The following CMTM4 variants were observed in gnomAD, a reference collection of about 807,000 sequenced individuals.
CMTM4 encodes CKLF-like MARVEL transmembrane domain-containing protein 4.
Under a neutral mutation model 19.0 loss-of-function variants are expected in CMTM4, and 8 were observed. The ratio of observed to expected loss-of-function variants is 0.42; its 90% CI spans 0.25 to 0.76. The LOEUF is 0.76. Ranked by LOEUF, CMTM4 falls within the 30% of genes least tolerant of loss-of-function variation. The pLI, the probability that CMTM4 is intolerant of heterozygous loss-of-function variation, is 0.27. For missense variants in CMTM4, 228 were observed against 290.2 expected (o/e 0.79, Z 1.56); for synonymous variants, 106 against 121.1 (o/e 0.88, Z 0.82).
chr16:66,650,771 T>C (rs1158568727), intron 1 of CMTM4, among the ~76,000 whole-genome samples: 2 of 152,220 alleles, frequency 1.3e-5, no homozygotes, highest in Non-Finnish European at 2.9e-5. Context: ...ACAAAAGGCA[T>C]GTGCTGGTCA....
chr16:66,603,017 GAA>G, the CMTM4 span, among the ~76,000 whole-genome samples: 21 of 152,190 alleles, frequency 1.4e-4, no homozygotes, highest in East Asian at 3.1e-3. Context: ...AACATCAAGA[GAA>G]AAAGAGATAG....
intron 1 of CMTM4, among the ~76,000 whole-genome samples, chr16:66,680,241 G>A (rs1476225743): frequency 4.0e-4 from 61 of 152,274 alleles, no homozygotes; most frequent in Non-Finnish European, 2.9e-5. Context: ...CACTTTGGGA[G>A]GCCAAGGCGT....
Position 66,617,367 on chromosome 16 carries a change from GA to G in CMTM4, c.*4690del, listed in dbSNP as rs531661664. The G allele has an allele frequency of 6.6e-5, 105 of 1,594,366 alleles. No individual in the cohort carries two copies. In the African/African-American group the frequency reaches 9.8e-4, roughly 15 times the overall value. ...TTGTGGAGTAGGAAAAACTAGAAAG[GA>G]AAAAAAAATCCCAAAGGTTGAAAAA... On this transcript the variant is annotated 3_prime_UTR_variant, in exon 4 of 4. Transcript: ENST00000394106.
At chr16:66,641,728 G>A (rs749851103) in intron 1 of CMTM4, among the ~76,000 whole-genome samples, 7 of 152,122 alleles carry the variant, frequency 4.6e-5, no homozygotes, top group Non-Finnish European at 1.0e-4. Flanking sequence ...ATCTCAAATG[G>A]TCACTGTGTT....
In CMTM4 at chr16:66,622,230, C is replaced by T. The variant is rs1161183561; in HGVS notation, c.463-8G>A. On this transcript the variant is annotated splice_polypyrimidine_tract_variant and splice_region_variant and intron_variant, in intron 3 of 3. Coordinates refer to ENST00000394106, the MANE Select transcript of CMTM4 (RefSeq NM_181521.3). The surrounding 1 kb of genome is among the most constrained non-coding windows in gnomAD (Gnocchi z 4.0). ...CGCCAAGAAGCCAAATATCTAAAAA[C>T]ACACCAGCACAGTTAGTCCTCGGGC... The T allele has an allele frequency of 3.7e-6, 6 of 1,613,248 alleles. No homozygotes were observed. Among genetic ancestry groups the T allele is most frequent in the Middle Eastern group, 1.7e-4 (1 of 6,058 alleles).
rs544802186 is a variant in CMTM4, at chr16:66,618,639, A to G, written c.*3419T>C. 3.0e-6 allele frequency: 3 copies of G among 985,512 alleles called. No homozygotes were observed. The African/African-American group carries it at 5.2e-5, about 17-fold the overall frequency. 61.0% of individuals were successfully genotyped at this position (985,512 alleles called of 1,614,324 possible). ...TCACTGCAAGCAAGAATTCACGTAC[A>G]TGAGTGCACAAAGGTGTTGGAGCTT... On this transcript the variant is annotated 3_prime_UTR_variant, in exon 4 of 4. Transcript: ENST00000394106.
chr16:66,606,591 C>G, the CMTM4 span, among the ~76,000 whole-genome samples: 1 of 152,184 alleles, frequency 6.6e-6, no homozygotes, highest in Non-Finnish European at 1.5e-5. Context: ...ATGGGGACTC[C>G]TGCACCCACT....
chr16:66,651,582 G>T (rs993751406), intron 1 of CMTM4, among the ~76,000 whole-genome samples: 2 of 152,098 alleles, frequency 1.3e-5, no homozygotes, highest in African/African-American at 4.8e-5. Flanking sequence ...TAGATAAGAT[G>T]CCTAACATAT....
downstream of CMTM4, chr16:66,613,296 G>A (rs1596891731): frequency 4.9e-6 from 3 of 607,096 alleles, no homozygotes; most frequent in East Asian, 8.3e-5. Context: ...CTGGGTCTAA[G>A]ACTGTTTCAA....
chr16:66,623,641 G>T (rs1480689140), intron 2 of CMTM4, 139 bp from the exon 3 acceptor site: 2 of 560,428 alleles, frequency 3.6e-6, no homozygotes, highest in Non-Finnish European at 6.3e-6. Context: ...ATGTCACAGG[G>T]TTACTGGTCA....
At chr16:66,612,702 C>G, downstream of CMTM4, 1 of 1,510,894 alleles carries the variant, frequency 6.6e-7, no homozygotes, top group Non-Finnish European at 9.2e-7. This position sits in a 1 kb window ranked among gnomAD's most constrained non-coding sequence, Gnocchi z 6.0. Context: ...TCACAGGGGT[C>G]GCTGGCGTTG....
At chr16:66,661,274 G>A (rs938888272) in intron 1 of CMTM4, among the ~76,000 whole-genome samples, 10 of 152,176 alleles carry the variant, frequency 6.6e-5, no homozygotes, top group African/African-American at 1.7e-4. Context: ...GCTGCGGATG[G>A]ACTGTAACCC....
At chr16:66,655,781 T>C (rs2016388466) in intron 1 of CMTM4, among the ~76,000 whole-genome samples, 1 of 151,938 alleles carries the variant, frequency 6.6e-6, no homozygotes, top group African/African-American at 2.4e-5. Flanking sequence ...TGTAGAGGGG[T>C]TCCCATTGGC....
chr16:66,638,876 AAAGC>A (rs1302340459), intron 1 of CMTM4, among the ~76,000 whole-genome samples: 2 of 151,902 alleles, frequency 1.3e-5, no homozygotes, highest in East Asian at 1.9e-4. Context: ...AACAAAAACA[AAAGC>A]AAACAAACAA....
downstream of CMTM4, chr16:66,611,014 C>A (rs1439448771): frequency 1.5e-5 from 6 of 397,720 alleles, no homozygotes; most frequent in Non-Finnish European, 2.2e-5. Context: ...GCAAGTGATC[C>A]CAGACAACCA....
At chr16:66,675,293 C>G (rs1170819851) in intron 1 of CMTM4, among the ~76,000 whole-genome samples, 2 of 151,596 alleles carry the variant, frequency 1.3e-5, no homozygotes, top group Admixed American at 1.3e-4. Context: ...GTTGGCCAGG[C>G]TGGTCTCAAA....
chr16:66,669,636 G>A lies in CMTM4; in HGVS notation c.186+26704C>T, dbSNP rs187093000. Among the ~76,000 whole-genome samples the A allele has an allele frequency of 9.2e-4, 140 of 152,118 alleles. No individual in the cohort carries two copies. The Middle Eastern group carries it at 0.014, about 15-fold the overall frequency. ...AGTTCACTGCAAGCTCTGCCTCCCA[G>A]GTTCACGCCATTCTCCTGCCTCAGC... On this transcript the variant is annotated intron_variant, in intron 1 of 3. Coordinates refer to ENST00000394106, the MANE Select transcript of CMTM4 (RefSeq NM_181521.3).
chr16:66,642,486 G>T (rs2016112774), intron 1 of CMTM4, among the ~76,000 whole-genome samples: 1 of 152,136 alleles, frequency 6.6e-6, no homozygotes, highest in African/African-American at 2.4e-5. Flanking sequence ...GGCCAAGGGA[G>T]TTGGATCACT....
chr16:66,609,979 G>A, downstream of CMTM4: 1 of 1,614,192 alleles, frequency 6.2e-7, no homozygotes, highest in African/African-American at 1.3e-5. The surrounding 1 kb of genome is among the most constrained non-coding windows in gnomAD (Gnocchi z 4.4). Flanking sequence ...CTCTGCAGAT[G>A]AGACCACAGC....
Sources: gnomAD v4.1 joint callset for allele counts (sites outside exome capture counted in the v4.1 genomes callset) on GRCh38, gnomAD v4.1.1 for gene constraint, Gnocchi (gnomAD v3.1) non-coding constraint, MANE v1.5 for transcripts, NCBI Gene and HGNC (gene_info 2026-07-23, HGNC 2026-07-21) for gene names.